MAGI1: variants seen among roughly 807,000 people sequenced by gnomAD.
The protein encoded by MAGI1 is membrane associated guanylate kinase, WW and PDZ domain containing 1, also known as membrane-associated guanylate kinase, WW and PDZ domain-containing protein 1.
Under a neutral mutation model 139.9 loss-of-function variants are expected in MAGI1, and 58 were observed. The ratio of observed to expected loss-of-function variants is 0.41; its 90% CI spans 0.34 to 0.52. MAGI1 has a LOEUF of 0.52. Ranked by LOEUF, MAGI1 falls within the 20% of genes least tolerant of loss-of-function variation. The pLI is 0.12. For synonymous variants in MAGI1, 812 were observed against 737.9 expected (o/e 1.10, Z -1.63); for missense variants, 1,874 against 1,901.6 (o/e 0.99, Z 0.27).
At chr3:65,734,910 CGGAGG>C (rs1240373258) in intron 1 of MAGI1, among the ~76,000 whole-genome samples, 6 of 89,812 alleles carry the variant, frequency 6.7e-5, no homozygotes, top group Non-Finnish European at 1.1e-4. Flanking sequence ...AGGAAGAGAG[CGGAGG>C]GGAGGGGAGG....
chr3:65,586,474 T>TA (rs1301492960), intron 2 of MAGI1, among the ~76,000 whole-genome samples: 1 of 152,136 alleles, frequency 6.6e-6, no homozygotes. Flanking sequence ...AAGTGGTAGT[T>TA]ACATGATTGT....
intron 2 of MAGI1, among the ~76,000 whole-genome samples, chr3:65,546,736 G>T (rs1559657860): frequency 6.6e-6 from 1 of 151,630 alleles, no homozygotes; most frequent in African/African-American, 2.4e-5. Context: ...TTTTTTCCTT[G>T]CAACTGTTAG....
intron 1 of MAGI1, among the ~76,000 whole-genome samples, chr3:65,682,413 C>G (rs2087656632): frequency 1.3e-5 from 2 of 152,060 alleles, no homozygotes; most frequent in African/African-American, 4.8e-5. Flanking sequence ...AAATGTAGAC[C>G]TAAAGTATGC....
chr3:65,644,416 CAAA>C (rs750068803), intron 1 of MAGI1, among the ~76,000 whole-genome samples: 1 of 102,848 alleles, frequency 9.7e-6, no homozygotes, highest in Admixed American at 1.1e-4. Flanking sequence ...AACCTCAGCC[CAAA>C]AAAAAAAAAA....
intron 1 of MAGI1, among the ~76,000 whole-genome samples, chr3:65,939,485 T>C (rs1233794533): frequency 2.0e-5 from 3 of 152,164 alleles, no homozygotes; most frequent in Non-Finnish European, 4.4e-5. Context: ...ACAAACTGAA[T>C]GAGGAAAAGT....
chr3:65,724,056 A>G (rs539127801), intron 1 of MAGI1, among the ~76,000 whole-genome samples: 2 of 152,380 alleles, frequency 1.3e-5, no homozygotes, highest in East Asian at 3.9e-4. Flanking sequence ...TGACAATGAT[A>G]TGCCTGAACA....
chr3:65,948,702 C>T (rs2063657039), intron 1 of MAGI1, among the ~76,000 whole-genome samples: 1 of 152,186 alleles, frequency 6.6e-6, no homozygotes, highest in Admixed American at 6.5e-5. Flanking sequence ...AAACAAATCA[C>T]TAAGTCTCAA....
chr3:66,010,224 G>T (rs568878867), intron 1 of MAGI1, among the ~76,000 whole-genome samples: 11 of 152,050 alleles, frequency 7.2e-5, no homozygotes, highest in African/African-American at 2.7e-4. Context: ...ACTATGAAAT[G>T]GGTGCTGCTA....
At chr3:65,909,930 T>G (rs1009212161) in intron 1 of MAGI1, among the ~76,000 whole-genome samples, 12 of 152,136 alleles carry the variant, frequency 7.9e-5, no homozygotes, top group Non-Finnish European at 1.0e-4. Context: ...CAGGCACTAA[T>G]TAGATTCTCA....
chr3:65,406,631 C>T (rs1178481470), intron 12 of MAGI1, among the ~76,000 whole-genome samples: 1 of 152,144 alleles, frequency 6.6e-6, no homozygotes, highest in East Asian at 1.9e-4. Context: ...CACTAATCCA[C>T]ATGTCACTGA....
intron 1 of MAGI1, among the ~76,000 whole-genome samples, chr3:65,644,250 C>T (rs1432464117): frequency 6.6e-6 from 1 of 152,008 alleles, no homozygotes; most frequent in Non-Finnish European, 1.5e-5. Context: ...AATTGAAAAT[C>T]ACTCATCATA....
intron 2 of MAGI1, among the ~76,000 whole-genome samples, chr3:65,578,071 C>A (rs960962554): frequency 2.6e-5 from 4 of 152,320 alleles, no homozygotes; most frequent in Admixed American, 2.0e-4. Flanking sequence ...GAGCGACTGA[C>A]GGGTTCTGCC....
chr3:65,577,771 T>G (rs2108103675), intron 2 of MAGI1, among the ~76,000 whole-genome samples: 1 of 152,314 alleles, frequency 6.6e-6, no homozygotes, highest in South Asian at 2.1e-4. Context: ...AGACTCACAC[T>G]TGGCTCATCA....
At chr3:65,735,356 C>CGTGTGT (rs368243061) in intron 1 of MAGI1, among the ~76,000 whole-genome samples, 54 of 148,176 alleles carry the variant, frequency 3.6e-4, no homozygotes, top group Middle Eastern at 3.5e-3. Context: ...TGTGTCTGCA[C>CGTGTGT]GTGTGTGTGT....
intron 2 of MAGI1, among the ~76,000 whole-genome samples, chr3:65,551,820 G>A (rs1481300542): frequency 6.6e-6 from 1 of 152,220 alleles, no homozygotes; most frequent in African/African-American, 2.4e-5. Context: ...AAATGCATTA[G>A]CTAAGAGAGT....
At chr3:65,578,058 G>T (rs757089102) in intron 2 of MAGI1, among the ~76,000 whole-genome samples, 1 of 152,186 alleles carries the variant, frequency 6.6e-6, no homozygotes, top group Admixed American at 6.5e-5. Flanking sequence ...ATGCCTGCTT[G>T]TTGAGCGACT....
intron 2 of MAGI1, among the ~76,000 whole-genome samples, chr3:65,499,579 C>A (rs1035977330): frequency 1.4e-4 from 21 of 151,862 alleles, no homozygotes; most frequent in African/African-American, 3.9e-4. Flanking sequence ...GCTGAGATTG[C>A]GCCACTGCAC....
At chr3:65,439,801 A>T in intron 9 of MAGI1, 78 bp downstream of exon 9, 1 of 1,597,098 alleles carries the variant, frequency 6.3e-7, no homozygotes, top group African/African-American at 1.3e-5. Context: ...GCCAGTTCTG[A>T]CCACACGAGG....
At chr3:65,935,925 C>G (rs1405709713) in intron 1 of MAGI1, among the ~76,000 whole-genome samples, 5 of 152,346 alleles carry the variant, frequency 3.3e-5, no homozygotes, top group South Asian at 4.1e-4. Flanking sequence ...ACTTCCAGCT[C>G]AACCACCACC....
Sources: allele counts gnomAD v4.1 joint callset (sites outside exome capture counted in the v4.1 genomes callset), GRCh38; gene constraint gnomAD v4.1.1; transcripts MANE v1.5; gene names NCBI Gene and HGNC (gene_info 2026-07-23, HGNC 2026-07-21).